The following ALOX15B variants were observed in gnomAD, a reference collection of about 807,000 sequenced individuals.
The protein encoded by ALOX15B is polyunsaturated fatty acid lipoxygenase ALOX15B.
ALOX15B carries 74 observed loss-of-function variants against 73.8 expected under a neutral mutation model. The observed-to-expected ratio is 1.00, with a 90% CI of 0.83 to 1.22. ALOX15B has a LOEUF of 1.22. Among genes scored for constraint, ALOX15B ranks in the 50% most tolerant of loss-of-function variants. The pLI, the probability that ALOX15B is intolerant of heterozygous loss-of-function variation, is 0.00. For synonymous variants in ALOX15B, 353 were observed against 357.2 expected (o/e 0.99, Z 0.13); for missense variants, 896 against 859.9 (o/e 1.04, Z -0.52).
At chr17:8,048,034 C>A in intron 13 of ALOX15B, 119 bp downstream of exon 13, 3 of 1,199,454 alleles carry the variant, frequency 2.5e-6, no homozygotes, top group East Asian at 2.6e-5. Flanking sequence ...GCCCCACTGA[C>A]CCTCCAGTGG....
intron 4 of ALOX15B, 112 bp from the exon 5 acceptor site, chr17:8,042,669 C>G: frequency 2.3e-6 from 3 of 1,326,838 alleles, no homozygotes; most frequent in Non-Finnish European, 3.1e-6. Context: ...GGGGTAGTGA[C>G]TACCTTGGGC....
intron 6 of ALOX15B, 92 bp from the exon 7 acceptor site, chr17:8,045,143 ACTC>A (rs2151813982): frequency 6.3e-7 from 1 of 1,596,248 alleles, no homozygotes; most frequent in Non-Finnish European, 8.5e-7. Flanking sequence ...CCCGAAACAC[ACTC>A]CTCTCCCAGC....
In ALOX15B at chr17:8,039,937, C is replaced by A; in HGVS notation, c.403C>A (p.Gln135Lys). Residue 135 changes from glutamine (Q) to lysine (K), a missense_variant, in exon 3 of 14, where the codon CAG (glutamine) becomes AAG (lysine). Coordinates refer to ENST00000380183, the MANE Select transcript of ALOX15B (RefSeq NM_001141.3). The stretch of plus-strand genomic sequence containing the variant: ...CTGGGCAGACCACCACCCTGTGCTC[C>A]AGCAACAGCGCCAGGAGGAGCTTCA... The part of the protein sequence containing the change: ...VSWADHHPVL[Q>K]QQRQEELQAR... 2 of 1,613,428 alleles carry A rather than the reference C, an allele frequency of 1.2e-6. No homozygotes were observed. The highest frequency in any genetic ancestry group is 1.7e-6 in the Non-Finnish European group (2 of 1,179,696).
At position 8,047,475 on chromosome 17, in the gene ALOX15B, G is replaced by A. The variant is rs1453555527; in HGVS notation, c.1580-89G>A. 6 of 1,582,296 alleles carry A rather than the reference G, an allele frequency of 3.8e-6. No individual in the cohort carries two copies. In the Admixed American group the frequency reaches 1.1e-4, roughly 28 times the overall value. On this transcript the variant is annotated intron_variant, in intron 11 of 13. Transcript: ENST00000380183. ...CGCATTTGAGTGGCCCCGTCCCCGT[G>A]TCCCCCACCCTCAAGGCTCACCCTC...
At chr17:8,039,738 A>C in intron 2 of ALOX15B, 133 bp downstream of exon 2, 1 of 1,199,188 alleles carries the variant, frequency 8.3e-7, no homozygotes, top group Non-Finnish European at 1.2e-6. Flanking sequence ...AGGAGAGGGA[A>C]TGGCGGAGCC....
At chr17:8,044,151 G>GGAAGGAAGGAAGGAAGGAGGGAAA (rs796365678) in intron 5 of ALOX15B, among the ~76,000 whole-genome samples, 1 of 114,608 alleles carries the variant, frequency 8.7e-6, no homozygotes. Context: ...AAGGAAGGAA[G>GGAAGGAAGGAAGGAAGGAGGGAAA]GAAAGAAAGA....
rs995627239 is a variant in ALOX15B, at chr17:8,047,894, G to A, written c.1830G>A (p.Leu610=). ...ATGTCATCCTTGCTCTCTGGTTGCT[G>A]AGCAAGGAGCCTGGAGACCAAGTGA... ...TCDVILALWL[L]SKEPGDQRPL... Residue 610 remains leucine, a synonymous_variant, in exon 13 of 14, where the codon CTG becomes CTA. Transcript: ENST00000380183. 9 of 1,614,138 alleles carry A rather than the reference G, an allele frequency of 5.6e-6. No homozygotes were observed. The highest frequency in any genetic ancestry group is 2.2e-5 in the East Asian group (1 of 44,880).
In ALOX15B at chr17:8,045,367, C is replaced by A; in HGVS notation, c.979C>A (p.Leu327Met). Residue 327 changes from leucine to methionine, a missense_variant, in exon 7 of 14, where the codon CTG (leucine) becomes ATG (methionine). Coordinates refer to ENST00000380183, the MANE Select transcript of ALOX15B (RefSeq NM_001141.3). Reference sequence around the variant, plus strand: ...CCAGAGCCCAGGCTGCGGGCCGCTGCTGCCTCTCGCCATCCAGGTATGCAG... The same window carrying A: ...CCAGAGCCCAGGCTGCGGGCCGCTGATGCCTCTCGCCATCCAGGTATGCAG... ...LYQSPGCGPL[L>M]PLAIQLSQTP... 6.2e-7 allele frequency: 1 copy of A among 1,614,104 alleles called. No homozygotes were observed. Among genetic ancestry groups the A allele is most frequent in the South Asian group, 1.1e-5 (1 of 91,078 alleles).
rs1413931016 is a variant in ALOX15B at position 8,048,585 on chromosome 17, C to T, written c.*20C>T. On this transcript the variant is annotated 3_prime_UTR_variant, in exon 14 of 14. Coordinates refer to ENST00000380183, the MANE Select transcript of ALOX15B (RefSeq NM_001141.3). ...ATCTAAATCCCAGGGGAACACAGGCCCAGATGACATCCCTTTGACCACATC... is the reference window on the plus strand; with the variant it reads ...ATCTAAATCCCAGGGGAACACAGGCTCAGATGACATCCCTTTGACCACATC... 3.1e-6 allele frequency: 5 copies of T among 1,609,850 alleles called. No homozygotes were observed. In the Admixed American group the frequency reaches 5.0e-5, roughly 16 times the overall value.
At position 8,045,221 on chromosome 17, in the gene ALOX15B, T is replaced by C. The variant is rs777877476; in HGVS notation, c.850-17T>C. 3.7e-6 allele frequency: 6 copies of C among 1,613,476 alleles called. No individual in the cohort carries two copies. The African/African-American group carries it at 8.0e-5, about 22-fold the overall frequency. Reference sequence around the variant, plus strand: ...TAGAAAACCAGGTGGCAGCCCCAGATCTCCTTTCTTCTGCAGAAGGGCTCC... The same window carrying C: ...TAGAAAACCAGGTGGCAGCCCCAGACCTCCTTTCTTCTGCAGAAGGGCTCC... On this transcript the variant is annotated splice_polypyrimidine_tract_variant and intron_variant, in intron 6 of 13. Coordinates refer to ENST00000380183, the MANE Select transcript of ALOX15B (RefSeq NM_001141.3).
chr17:8,039,634 G>A, intron 2 of ALOX15B, 29 bp downstream of exon 2: 1 of 1,190,448 alleles, frequency 8.4e-7, no homozygotes, highest in Non-Finnish European at 1.2e-6. Context: ...TGGGGCTGCA[G>A]GGGGAGCACA....
Position 8,046,751 on chromosome 17 carries a change from C to G in ALOX15B, c.1284C>G (p.Asp428Glu). ...ELLIVPGQVV[D>E]RSTGIGIEGF... ...TTATCGTGCCAGGGCAGGTGGTGGA[C>G]AGGGTGAGAGCTGTGTTGGGGAGGG... is the stretch of plus-strand genomic sequence containing the variant. The change falls in exon 9 of 14, where the codon GAC becomes GAG. Residue 428 changes from aspartate (D) to glutamate (E), a missense_variant. Asp to Glu is a conservative substitution (Grantham distance 45). Transcript: ENST00000380183. 1 of 1,613,674 alleles carries G rather than the reference C, an allele frequency of 6.2e-7. No individual in the cohort carries two copies. The highest frequency in any genetic ancestry group is 8.5e-7 in the Non-Finnish European group (1 of 1,179,848).
At chr17:8,043,540 G>A (rs1012592502) in intron 5 of ALOX15B, among the ~76,000 whole-genome samples, 4 of 152,222 alleles carry the variant, frequency 2.6e-5, no homozygotes, top group Admixed American at 1.3e-4. Context: ...CAGGACTTGC[G>A]TCTTTCCTCA....
At chr17:8,043,756 G>A (rs1222330971) in intron 5 of ALOX15B, among the ~76,000 whole-genome samples, 1 of 152,084 alleles carries the variant, frequency 6.6e-6, no homozygotes, top group Admixed American at 6.6e-5. Flanking sequence ...TGATATGTGA[G>A]GGGTACTGCC....
rs374014213 is a variant in ALOX15B, at chr17:8,047,215, G to T, written c.1458-43G>T. On this transcript the variant is annotated intron_variant, in intron 10 of 13. Transcript: ENST00000380183. Reference sequence around the variant, plus strand: ...GCTAAGCAGAGGCATTCCTCAGAGCGGGTCGGGGTTGGAGGCTGGACCTGA... The same window carrying T: ...GCTAAGCAGAGGCATTCCTCAGAGCTGGTCGGGGTTGGAGGCTGGACCTGA... 8 of 1,612,882 alleles carry T rather than the reference G, an allele frequency of 5.0e-6. No individual in the cohort carries two copies. In the South Asian group the frequency reaches 8.8e-5, roughly 18 times the overall value.
rs373229362 is a variant in ALOX15B at position 8,040,601 on chromosome 17, GAGAAAGAAAGAAAGAA to G, written c.449+656_449+671del. On this transcript the variant is annotated intron_variant, in intron 3 of 13. Transcript: ENST00000380183. ...GGAAGGAAAGAGAGAAAGAAAGAGAGAGAAAGAAAGAAAGAAAGAAAGAAAGAAAGAAAGAAAGAAA... is the reference window on the plus strand; with the variant it reads ...GGAAGGAAAGAGAGAAAGAAAGAGAGAGAAAGAAAGAAAGAAAGAAAGAAA... Among the ~76,000 whole-genome samples, 65 of 109,524 alleles carry G rather than the reference GAGAAAGAAAGAAAGAA, an allele frequency of 5.9e-4. 1 individual carries two copies. Among genetic ancestry groups the G allele is most frequent in the African/African-American group, 1.9e-3 (51 of 27,376 alleles). 71.9% of individuals were successfully genotyped at this position (109,524 alleles called of 152,430 possible). A position where few individuals can be genotyped will look rare whatever the true frequency, so the allele number is the denominator to read the frequency against.
intron 3 of ALOX15B, 44 bp from the exon 4 acceptor site, chr17:8,042,325 T>C (rs1476528643): frequency 6.2e-7 from 1 of 1,605,790 alleles, no homozygotes. Context: ...GCAAAGAGTC[T>C]CCCTGAGGCC....
rs1158452989 is a variant in ALOX15B at position 8,039,091 on chromosome 17, G to A, written c.-65G>A. 2 of 1,565,274 alleles carry A rather than the reference G, an allele frequency of 1.3e-6. No homozygotes were observed. Among genetic ancestry groups the A allele is most frequent in the South Asian group, 1.2e-5 (1 of 83,406 alleles). On this transcript the variant is annotated 5_prime_UTR_variant, in exon 1 of 14. Coordinates refer to ENST00000380183, the MANE Select transcript of ALOX15B (RefSeq NM_001141.3). Reference sequence around the variant, plus strand: ...ATAACCAGGGGCAATAACCAGGCGTGTCCCAGGGGGGAGCCCCGCTCTGCA... The same window carrying A: ...ATAACCAGGGGCAATAACCAGGCGTATCCCAGGGGGGAGCCCCGCTCTGCA...
chr17:8,044,757 T>C, intron 5 of ALOX15B, 72 bp from the exon 6 acceptor site: 3 of 662,242 alleles, frequency 4.5e-6, no homozygotes, highest in Non-Finnish European at 7.5e-6. Flanking sequence ...GGTAACCCCG[T>C]CCCCGTGTCC....
Sources: gnomAD v4.1 joint callset for allele counts (sites outside exome capture counted in the v4.1 genomes callset) on GRCh38, gnomAD v4.1.1 for gene constraint, MANE v1.5 for transcripts, NCBI Gene and HGNC (gene_info 2026-07-23, HGNC 2026-07-21) for gene names.